The following MAF variants were observed in gnomAD, a reference collection of about 807,000 sequenced individuals.
MAF encodes the protein transcription factor Maf.
A neutral mutation model predicts 22.0 loss-of-function variants in MAF; 10 were observed. The observed-to-expected ratio is 0.45, with a 90% confidence interval of 0.28 to 0.77. The LOEUF is 0.77. Among genes scored for constraint, MAF ranks in the 30% least tolerant of loss-of-function variants. The pLI is 0.12. For synonymous variants in MAF, 337 were observed against 255.8 expected (o/e 1.32, Z -3.03); for missense variants, 544 against 548.4 (o/e 0.99, Z 0.08).
chr16:79,426,554 ATCAGGTGAGAC>A, the MAF span, among the ~76,000 whole-genome samples: 1 of 152,294 alleles, frequency 6.6e-6, no homozygotes, highest in South Asian at 2.1e-4. Context: ...GTTTACCTGT[ATCAGGTGAGAC>A]TCTGCAGCCA....
At chr16:79,386,709 G>A in the MAF span, among the ~76,000 whole-genome samples, 98 of 152,250 alleles carry the variant, frequency 6.4e-4, no homozygotes, top group African/African-American at 2.3e-3. Flanking sequence ...GAAACAAAAT[G>A]GTGAGCAGCA....
At chr16:79,430,945 CT>C in the MAF span, among the ~76,000 whole-genome samples, 3 of 152,164 alleles carry the variant, frequency 2.0e-5, no homozygotes, top group Non-Finnish European at 4.4e-5. Context: ...GGAATTCTTC[CT>C]GGGAACAGGG....
chr16:79,490,959 G>A, the MAF span, among the ~76,000 whole-genome samples: 1 of 152,136 alleles, frequency 6.6e-6, no homozygotes, highest in African/African-American at 2.4e-5. Context: ...CCCAAAGTGT[G>A]ATAACCAAGG....
chr16:79,456,377 T>C, the MAF span, among the ~76,000 whole-genome samples: 5 of 152,176 alleles, frequency 3.3e-5, no homozygotes, highest in African/African-American at 4.8e-5. Flanking sequence ...GTTTTATGGA[T>C]AGAAATACGC....
At chr16:79,502,696 A>AATATAAATATAAATATAAATATATATAT in the MAF span, among the ~76,000 whole-genome samples, 26 of 19,244 alleles carry the variant, frequency 1.4e-3, no homozygotes, top group African/African-American at 3.9e-3. Context: ...TATAAATATA[A>AATATAAATATAAATATAAATATATATAT]ATATAAATAT....
the MAF span, among the ~76,000 whole-genome samples, chr16:79,290,305 G>C: frequency 6.6e-6 from 1 of 152,174 alleles, no homozygotes; most frequent in East Asian, 1.9e-4. Context: ...GATATAGCCA[G>C]GCTTTTCATA....
At chr16:79,573,654 A>C in the MAF span, among the ~76,000 whole-genome samples, 1 of 152,250 alleles carries the variant, frequency 6.6e-6, no homozygotes, top group African/African-American at 2.4e-5. Flanking sequence ...GTTCAATGAA[A>C]TCTTAAAATA....
At chr16:79,310,393 G>C in the MAF span, among the ~76,000 whole-genome samples, 4 of 152,190 alleles carry the variant, frequency 2.6e-5, no homozygotes, top group Non-Finnish European at 2.9e-5. Context: ...AAGAGAGAGA[G>C]AGACAGACAG....
the MAF span, among the ~76,000 whole-genome samples, chr16:79,577,324 G>A: frequency 2.0e-5 from 3 of 152,148 alleles, no homozygotes; most frequent in Non-Finnish European, 4.4e-5. Flanking sequence ...AAAACGGGCT[G>A]CTTAACTAAG....
At chr16:79,270,483 A>G in the MAF span, among the ~76,000 whole-genome samples, 1 of 152,126 alleles carries the variant, frequency 6.6e-6, no homozygotes. Flanking sequence ...TAGATTCCCC[A>G]TCTGAAAGCA....
Position 79,598,828 on chromosome 16 carries a change from T to A in MAF, c.1075A>T (p.Asn359Tyr), listed in dbSNP as rs1913764724. ...GACGGGTTGTCGCTGCTCGAGCCGT[T>A]TTCTCGGAAGCCGCTGCTCACCAAC... ...EKLVSSGFRENGSSSDNPSSP... is the reference protein window; with the variant it reads ...EKLVSSGFREYGSSSDNPSSP... Residue 359 changes from asparagine to tyrosine, a missense_variant, in exon 1 of 2, where the codon AAC becomes TAC. Transcript: ENST00000326043. 1 of 1,613,786 alleles carries A rather than the reference T, an allele frequency of 6.2e-7. No homozygotes were observed.
At chr16:79,292,027 A>G in the MAF span, among the ~76,000 whole-genome samples, 1 of 151,882 alleles carries the variant, frequency 6.6e-6, no homozygotes, top group Non-Finnish European at 1.5e-5. Context: ...TAGAATAGGA[A>G]AGATGACATC....
At chr16:79,427,179 G>C in the MAF span, among the ~76,000 whole-genome samples, 5 of 152,188 alleles carry the variant, frequency 3.3e-5, no homozygotes, top group African/African-American at 1.2e-4. Flanking sequence ...TGTGGTTTTA[G>C]AAAAGAAAAC....
the MAF span, among the ~76,000 whole-genome samples, chr16:79,366,289 T>C: frequency 6.6e-6 from 1 of 152,170 alleles, no homozygotes; most frequent in Admixed American, 6.5e-5. Context: ...TGGTACCAAA[T>C]ATCTGTTGGA....
the MAF span, among the ~76,000 whole-genome samples, chr16:79,238,050 T>C: frequency 6.6e-6 from 1 of 152,110 alleles, no homozygotes; most frequent in Admixed American, 6.6e-5. Context: ...ATTCAATTTC[T>C]CCTCTCACCC....
the MAF span, among the ~76,000 whole-genome samples, chr16:79,262,586 C>T: frequency 6.6e-6 from 1 of 152,066 alleles, no homozygotes; most frequent in African/African-American, 2.4e-5. Context: ...GTGACAATGG[C>T]AATTTGTTCA....
chr16:79,498,071 C>A, the MAF span, among the ~76,000 whole-genome samples: 15 of 152,322 alleles, frequency 9.8e-5, no homozygotes, highest in East Asian at 2.9e-3. Flanking sequence ...CAGATGAAAT[C>A]AGCAGGACTG....
chr16:79,295,839 G>A, the MAF span, among the ~76,000 whole-genome samples: 1 of 152,226 alleles, frequency 6.6e-6, no homozygotes, highest in Non-Finnish European at 1.5e-5. Context: ...GCTGTTGGCA[G>A]TCCCGTTTCA....
At chr16:79,334,374 G>A in the MAF span, among the ~76,000 whole-genome samples, 12 of 152,188 alleles carry the variant, frequency 7.9e-5, no homozygotes, top group South Asian at 2.1e-4. Context: ...TCCCATGTGC[G>A]CGCTGTGCAA....
Sources: allele counts gnomAD v4.1 joint callset (sites outside exome capture counted in the v4.1 genomes callset), GRCh38; gene constraint gnomAD v4.1.1; transcripts MANE v1.5; gene names NCBI Gene and HGNC (gene_info 2026-07-23, HGNC 2026-07-21).